The following TBC1D30 variants were observed in gnomAD, a reference collection of about 807,000 sequenced individuals.
TBC1D30 encodes the protein TBC1 domain family member 30.
Under a neutral mutation model 63.2 loss-of-function variants are expected in TBC1D30, and 31 were observed. That is an observed-to-expected ratio of 0.49 (90% CI 0.37 to 0.66). The LOEUF is 0.66. Among genes scored for constraint, TBC1D30 ranks in the 30% least tolerant of loss-of-function variants. The pLI, the probability that TBC1D30 is intolerant of heterozygous loss-of-function variation, is 0.00. For missense variants in TBC1D30, 810 were observed against 953.6 expected, an observed-to-expected ratio of 0.85 and a Z score of 1.98; for synonymous variants, 307 against 361.5, an observed-to-expected ratio of 0.85 and a Z score of 1.71.
At chr12:64,786,577 G>A (rs1378969600) in intron 2 of TBC1D30, among the ~76,000 whole-genome samples, 2 of 152,112 alleles carry the variant, frequency 1.3e-5, no homozygotes, top group Non-Finnish European at 2.9e-5. Flanking sequence ...CTGATCTCAG[G>A]TGATTCACCC....
upstream of TBC1D30, chr12:64,779,180 G>A (rs1358750664): frequency 2.0e-5 from 3 of 152,040 alleles, no homozygotes; most frequent in African/African-American, 7.2e-5. Context: ...GAGATAAAAA[G>A]GGCTGGGAAG....
intron 2 of TBC1D30, among the ~76,000 whole-genome samples, chr12:64,810,584 C>T (rs1873153209): frequency 6.6e-6 from 1 of 151,904 alleles, no homozygotes; most frequent in Non-Finnish European, 1.5e-5. Context: ...GCCTGGGCAA[C>T]AGAGCGAGAC....
intron 8 of TBC1D30, among the ~76,000 whole-genome samples, chr12:64,848,895 T>A (rs538513793): frequency 3.9e-5 from 6 of 152,116 alleles, no homozygotes; most frequent in Non-Finnish European, 8.8e-5. Context: ...CCACCAACAG[T>A]GTAAAAGCAT....
chr12:64,864,609 T>G, intron 8 of TBC1D30, 59 bp from the exon 9 acceptor site: 1 of 1,136,752 alleles, frequency 8.8e-7, no homozygotes, highest in Non-Finnish European at 1.3e-6. Flanking sequence ...CTTTCCAGGA[T>G]TGATAAGAGT....
At chr12:64,862,282 C>G (rs756213866) in intron 8 of TBC1D30, among the ~76,000 whole-genome samples, 1 of 152,092 alleles carries the variant, frequency 6.6e-6, no homozygotes, top group Non-Finnish European at 1.5e-5. Context: ...GATAAACATG[C>G]CTTCAGATGT....
At chr12:64,800,542 G>C (rs1872540927) in intron 2 of TBC1D30, among the ~76,000 whole-genome samples, 1 of 152,140 alleles carries the variant, frequency 6.6e-6, no homozygotes, top group Admixed American at 6.5e-5. Flanking sequence ...AGTGGGACTG[G>C]AGAGTGTGAT....
intron 7 of TBC1D30, among the ~76,000 whole-genome samples, chr12:64,840,445 A>C (rs967010406): frequency 3.9e-5 from 6 of 152,228 alleles, no homozygotes; most frequent in African/African-American, 1.2e-4. Context: ...ATTAATCTGT[A>C]GGATCAGAAT....
At chr12:64,837,153 C>T (rs2136387050) in intron 6 of TBC1D30, among the ~76,000 whole-genome samples, 1 of 152,238 alleles carries the variant, frequency 6.6e-6, no homozygotes, top group East Asian at 1.9e-4. Context: ...TTGTACTTCC[C>T]TGGCTGTGCG....
At chr12:64,784,618 A>G (rs536680459) in intron 1 of TBC1D30, among the ~76,000 whole-genome samples, 3 of 151,436 alleles carry the variant, frequency 2.0e-5, no homozygotes, top group African/African-American at 7.3e-5. Context: ...TGTGACCAAA[A>G]AAAACCTCCT....
chr12:64,807,685 A>G (rs1445990157), intron 2 of TBC1D30, among the ~76,000 whole-genome samples: 1 of 152,144 alleles, frequency 6.6e-6, no homozygotes, highest in Non-Finnish European at 1.5e-5. Context: ...CAAAAGCTAA[A>G]GCATCCTTTC....
At chr12:64,796,027 C>G (rs763809885) in intron 2 of TBC1D30, among the ~76,000 whole-genome samples, 4 of 152,016 alleles carry the variant, frequency 2.6e-5, no homozygotes, top group Non-Finnish European at 4.4e-5. Context: ...CTGGTCTACC[C>G]TGAAATAACT....
At chr12:64,771,914 G>C (rs1405284479) in intron 1 of TBC1D30, among the ~76,000 whole-genome samples, 1 of 152,134 alleles carries the variant, frequency 6.6e-6, no homozygotes, top group African/African-American at 2.4e-5. Context: ...CAGAAGATTG[G>C]AGAAAGGGAG....
chr12:64,779,007 T>A (rs1483023117), upstream of TBC1D30: 2 of 152,220 alleles, frequency 1.3e-5, no homozygotes, highest in Non-Finnish European at 2.9e-5. Flanking sequence ...TTGAAGTTCT[T>A]ATTAACTTAG....
At chr12:64,802,580 G>A (rs1872642021) in intron 2 of TBC1D30, among the ~76,000 whole-genome samples, 1 of 152,102 alleles carries the variant, frequency 6.6e-6, no homozygotes, top group Non-Finnish European at 1.5e-5. Flanking sequence ...CATGTGCCAT[G>A]TTGGTGTGCT....
rs1306844368 is a variant in TBC1D30 at position 64,875,071 on chromosome 12, A to G, written c.1569A>G (p.Leu523=). Residue 523 remains leucine (L), a synonymous_variant, in exon 12 of 12, where the codon TTA becomes TTG. Coordinates refer to ENST00000539867, the MANE Select transcript of TBC1D30 (RefSeq NM_015279.2). ...CTCCAGTTATAAACCACCTTCTTTTAGGAAAGAAGATGAAAATGACTAACA... is the reference window on the plus strand; with the variant it reads ...CTCCAGTTATAAACCACCTTCTTTTGGGAAAGAAGATGAAAATGACTAACA... ...NSSPVINHLL[L]GKKMKMTNRA... is the part of the protein sequence containing the mutation. 1 of 1,536,472 alleles carries G rather than the reference A, an allele frequency of 6.5e-7. No homozygotes were observed. Among genetic ancestry groups the G allele is most frequent in the Non-Finnish European group, 8.7e-7 (1 of 1,146,950 alleles).
intron 2 of TBC1D30, among the ~76,000 whole-genome samples, chr12:64,793,756 G>T (rs1309510932): frequency 1.3e-5 from 2 of 152,168 alleles, no homozygotes; most frequent in African/African-American, 4.8e-5. Context: ...AGATGGTCCG[G>T]CAGCAGGAAG....
intron 1 of TBC1D30, chr12:64,768,690 T>A (rs531998441): frequency 6.6e-6 from 1 of 152,314 alleles, no homozygotes; most frequent in South Asian, 2.1e-4. Flanking sequence ...CATTTTCAAT[T>A]GATGTAGTTG....
chr12:64,850,368 C>G (rs960605047), intron 8 of TBC1D30, among the ~76,000 whole-genome samples: 1 of 152,142 alleles, frequency 6.6e-6, no homozygotes, highest in Non-Finnish European at 1.5e-5. Context: ...AAAGGGAATG[C>G]TGCTTCCAGC....
chr12:64,806,466 A>G (rs778803041), intron 2 of TBC1D30, among the ~76,000 whole-genome samples: 1 of 152,200 alleles, frequency 6.6e-6, no homozygotes, highest in Non-Finnish European at 1.5e-5. Context: ...AATAAGATGC[A>G]TACAGCCAGC....
Sources: gnomAD v4.1 joint callset for allele counts (sites outside exome capture counted in the v4.1 genomes callset) on GRCh38, gnomAD v4.1.1 for gene constraint, MANE v1.5 for transcripts, NCBI Gene and HGNC (gene_info 2026-07-23, HGNC 2026-07-21) for gene names.